The following SCAI variants were observed in gnomAD, a reference collection of about 807,000 sequenced individuals.
The protein encoded by SCAI is suppressor of cancer cell invasion, also known as protein SCAI.
SCAI carries 24 observed loss-of-function variants against 92.2 expected under a neutral mutation model. That is an observed-to-expected ratio of 0.26 (90% CI 0.19 to 0.37). The LOEUF (loss-of-function observed/expected upper bound fraction) is 0.37. SCAI is among the 10% of genes least tolerant of loss of function. The probability of loss-of-function intolerance (pLI) is 1.00; values close to 1 mark genes in which losing one functional copy is unlikely to be tolerated. For missense variants in SCAI, 450 were observed against 736.2 expected (o/e 0.61, Z 4.50); for synonymous variants, 261 against 258.6 (o/e 1.01, Z -0.09).
intron 13 of SCAI, among the ~76,000 whole-genome samples, chr9:124,997,745 G>A (rs915513787): frequency 6.6e-6 from 1 of 151,924 alleles, no homozygotes; most frequent in African/African-American, 2.4e-5. Flanking sequence ...GTGTGGTGAT[G>A]CATGACTATA....
intron 17 of SCAI, among the ~76,000 whole-genome samples, chr9:124,970,306 T>C (rs1031272661): frequency 6.6e-6 from 1 of 151,914 alleles, no homozygotes; most frequent in African/African-American, 2.4e-5. Context: ...CATGGCTCAA[T>C]CTCAGGAATA....
intron 9 of SCAI, among the ~76,000 whole-genome samples, chr9:125,004,035 G>A (rs996884488): frequency 1.3e-5 from 2 of 152,060 alleles, no homozygotes; most frequent in Non-Finnish European, 2.9e-5. Flanking sequence ...AATTAGCCGG[G>A]TGTGGTGGTG....
chr9:125,010,682 G>A (rs1006956071), intron 9 of SCAI, among the ~76,000 whole-genome samples: 4 of 152,202 alleles, frequency 2.6e-5, no homozygotes, highest in African/African-American at 9.7e-5. Flanking sequence ...GACAGCAGTG[G>A]TTCTCCCAGC....
chr9:125,028,370 T>C, intron 5 of SCAI, 22 bp downstream of exon 5: 2 of 1,330,396 alleles, frequency 1.5e-6, no homozygotes, highest in Non-Finnish European at 2.2e-6. Flanking sequence ...CACTTTACTC[T>C]TTCCATGTGT....
At chr9:125,009,711 AAACCC>A in intron 9 of SCAI, among the ~76,000 whole-genome samples, 1 of 151,512 alleles carries the variant, frequency 6.6e-6, no homozygotes, top group Non-Finnish European at 1.5e-5. Context: ...CAACATGGCG[AAACCC>A]TGTCTCTACT....
intron 2 of SCAI, among the ~76,000 whole-genome samples, chr9:125,095,166 G>A (rs76211174): frequency 0.03 from 4,530 of 152,182 alleles, 102 homozygotes; most frequent in Non-Finnish European, 0.048. Flanking sequence ...CGGAGACAAA[G>A]GTATAAATGG....
At chr9:125,033,626 G>A (rs360207) in intron 3 of SCAI, among the ~76,000 whole-genome samples, 3,531 of 152,216 alleles carry the variant, frequency 0.023, 128 homozygotes, top group African/African-American at 0.08. Flanking sequence ...GGGTTCTTTT[G>A]GGGATAATGA....
At chr9:124,978,368 G>T (rs1169919139) in intron 14 of SCAI, among the ~76,000 whole-genome samples, 1 of 152,200 alleles carries the variant, frequency 6.6e-6, no homozygotes, top group Non-Finnish European at 1.5e-5. Context: ...TTGAACCCGG[G>T]AAGCGGAGGC....
intron 2 of SCAI, among the ~76,000 whole-genome samples, chr9:125,135,976 A>C (rs1835514100): frequency 6.6e-6 from 1 of 151,718 alleles, no homozygotes; most frequent in African/African-American, 2.4e-5. Context: ...TCAAACAAAA[A>C]AAAAAAAAAC....
At chr9:124,972,646 T>G (rs150284323) in intron 15 of SCAI, among the ~76,000 whole-genome samples, 98 of 152,316 alleles carry the variant, frequency 6.4e-4, no homozygotes, top group African/African-American at 2.2e-3. Context: ...CACCTCAAAC[T>G]CAACATGTCA....
intron 2 of SCAI, among the ~76,000 whole-genome samples, chr9:125,111,799 A>AG (rs1453457749): frequency 1.3e-5 from 2 of 152,166 alleles, no homozygotes; most frequent in Non-Finnish European, 2.9e-5. Context: ...TCTAGGATGT[A>AG]GCGCAGGGAA....
chr9:125,013,428 A>G (rs1832679886), intron 9 of SCAI, among the ~76,000 whole-genome samples: 2 of 152,252 alleles, frequency 1.3e-5, no homozygotes, highest in Non-Finnish European at 2.9e-5. Flanking sequence ...TAGAAAATCT[A>G]GAAGAAATGG....
intron 2 of SCAI, among the ~76,000 whole-genome samples, chr9:125,077,370 A>G (rs1019193566): frequency 1.3e-5 from 2 of 152,204 alleles, no homozygotes; most frequent in African/African-American, 4.8e-5. Context: ...TGATGAACAG[A>G]CTTTCACTTT....
Position 125,091,817 on chromosome 9 carries a change from A to C in SCAI, c.99-35810T>G, listed in dbSNP as rs1434517902. ...GGCAATTGTTTTATATTTCACTAAA[A>C]AACAGAGGCTTGGGCCGGGCACAGT... On this transcript the variant is annotated intron_variant, in intron 2 of 17. Coordinates refer to ENST00000336505, the MANE Select transcript of SCAI (RefSeq NM_001144877.3). This position sits in a 1 kb window ranked among gnomAD's most constrained non-coding sequence, Gnocchi z 4.3. 6.6e-6 allele frequency among the ~76,000 whole-genome samples: 1 copy of C among 152,184 alleles called. No individual in the cohort carries two copies. The highest frequency in any genetic ancestry group is 2.4e-5 in the African/African-American group (1 of 41,454).
chr9:125,040,050 A>C (rs1833287562), intron 3 of SCAI, among the ~76,000 whole-genome samples: 1 of 152,214 alleles, frequency 6.6e-6, no homozygotes. Context: ...TTCCCCACAA[A>C]CACCACCAAT....
chr9:125,010,311 T>C (rs1357664880), intron 9 of SCAI, among the ~76,000 whole-genome samples: 6 of 152,074 alleles, frequency 3.9e-5, no homozygotes, highest in Non-Finnish European at 8.8e-5. Flanking sequence ...ACCTGGAAAA[T>C]TGGGTCACTT....
chr9:125,072,093 G>A (rs1457942695), intron 2 of SCAI, among the ~76,000 whole-genome samples: 2 of 150,774 alleles, frequency 1.3e-5, no homozygotes, highest in Non-Finnish European at 2.9e-5. Flanking sequence ...GTGCAATCTC[G>A]GCTCACTGCA....
chr9:125,104,514 G>A (rs1834736354), intron 2 of SCAI, among the ~76,000 whole-genome samples: 1 of 151,456 alleles, frequency 6.6e-6, no homozygotes, highest in Non-Finnish European at 1.5e-5. Context: ...AATCTTTGCT[G>A]GCTCTCAAGA....
intron 17 of SCAI, among the ~76,000 whole-genome samples, chr9:124,964,711 T>C (rs1369772838): frequency 6.6e-6 from 1 of 152,132 alleles, no homozygotes; most frequent in African/African-American, 2.4e-5. Flanking sequence ...TTGCCAAATA[T>C]CAAAAAAACT....
Sources: allele counts gnomAD v4.1 joint callset (sites outside exome capture counted in the v4.1 genomes callset), GRCh38; gene constraint gnomAD v4.1.1; non-coding constraint Gnocchi (gnomAD v3.1); transcripts MANE v1.5; gene names NCBI Gene and HGNC (gene_info 2026-07-23, HGNC 2026-07-21).